RABGEF1: variants seen among roughly 807,000 people sequenced by gnomAD.
RABGEF1 encodes the protein rab5 GDP/GTP exchange factor.
A neutral mutation model predicts 57.3 loss-of-function variants in RABGEF1; 26 were observed. The observed-to-expected ratio is 0.45, with a 90% CI of 0.33 to 0.63. The LOEUF (loss-of-function observed/expected upper bound fraction) is 0.63. Ranked by LOEUF, RABGEF1 falls within the 20% of genes least tolerant of loss-of-function variation. The pLI is 0.02. For missense variants in RABGEF1, 464 were observed against 607.6 expected (o/e 0.76, Z 2.48); for synonymous variants, 185 against 210.7 (o/e 0.88, Z 1.06).
chr7:66,669,796 C>A, the RABGEF1 span: 6 of 152,506 alleles, frequency 3.9e-5, no homozygotes, highest in East Asian at 1.2e-3. Flanking sequence ...CATCATCTAC[C>A]TGGTGGCTCC....
the RABGEF1 span, among the ~76,000 whole-genome samples, chr7:66,658,625 A>G: frequency 6.6e-6 from 1 of 152,228 alleles, no homozygotes. Context: ...CAACACAGAA[A>G]TACCCTTGAC....
intron 2 of RABGEF1, among the ~76,000 whole-genome samples, chr7:66,772,907 G>A (rs1381638455): frequency 6.7e-6 from 1 of 148,576 alleles, no homozygotes; most frequent in Non-Finnish European, 1.5e-5. Flanking sequence ...GTGAGACTCT[G>A]TCTCAAAAAA....
chr7:66,788,201 C>G (rs1450844158), intron 4 of RABGEF1, among the ~76,000 whole-genome samples: 1 of 152,176 alleles, frequency 6.6e-6, no homozygotes, highest in East Asian at 1.9e-4. Context: ...AATCCCAGCA[C>G]TTTGGGAGGC....
intron 1 of RABGEF1, among the ~76,000 whole-genome samples, chr7:66,704,067 G>C (rs1191552061): frequency 1.3e-5 from 2 of 152,126 alleles, no homozygotes. Context: ...ACATAGAATG[G>C]CTTTCTTAAT....
At chr7:66,723,756 T>C (rs1213793265) in intron 2 of RABGEF1, among the ~76,000 whole-genome samples, 1 of 147,886 alleles carries the variant, frequency 6.8e-6, no homozygotes, top group East Asian at 2.1e-4. Context: ...ACTTTTGTAT[T>C]TTTAGTAGTG....
At chr7:66,690,334 C>G (rs962131705) in intron 1 of RABGEF1, among the ~76,000 whole-genome samples, 12 of 150,804 alleles carry the variant, frequency 8.0e-5, no homozygotes, top group Admixed American at 7.3e-4. Flanking sequence ...CTCCTGACCT[C>G]GTGATCCACC....
intron 1 of RABGEF1, among the ~76,000 whole-genome samples, chr7:66,685,581 A>G (rs761933492): frequency 2.5e-4 from 38 of 152,212 alleles, no homozygotes; most frequent in Non-Finnish European, 4.9e-4. Flanking sequence ...TAATTTGTAA[A>G]CAGGAATTCT....
intron 1 of RABGEF1, among the ~76,000 whole-genome samples, chr7:66,749,847 G>T (rs1291115642): frequency 6.6e-6 from 1 of 151,952 alleles, no homozygotes; most frequent in African/African-American, 2.4e-5. Flanking sequence ...GATGGTGGGC[G>T]CCTGTAGTCC....
Position 66,809,387 on chromosome 7 carries a change from T to TTA in RABGEF1, c.*103_*104insTA, listed in dbSNP as rs1789166020. 2 of 1,011,674 alleles carry TTA rather than the reference T, an allele frequency of 2.0e-6. No homozygotes were observed. Among genetic ancestry groups the TTA allele is most frequent in the East Asian group, 2.8e-5 (1 of 35,570 alleles). 62.7% of individuals were successfully genotyped at this position (1,011,674 alleles called of 1,614,324 possible). ...AATGTAACTAAATTGCTTATAAATG[T>TTA]CAGCATTTTTTAAAGGTACAGTATA... On this transcript the variant is annotated 3_prime_UTR_variant, in exon 9 of 9. Transcript: ENST00000284957.
intron 1 of RABGEF1, among the ~76,000 whole-genome samples, chr7:66,686,599 CTGT>C (rs769911029): frequency 6.6e-6 from 1 of 152,148 alleles, no homozygotes; most frequent in African/African-American, 2.4e-5. Context: ...ATAATCTAGA[CTGT>C]TGTTATAATA....
intron 1 of RABGEF1, among the ~76,000 whole-genome samples, chr7:66,744,120 C>T (rs1799641994): frequency 6.6e-6 from 1 of 151,280 alleles, no homozygotes; most frequent in Non-Finnish European, 1.5e-5. Flanking sequence ...ACTGCAACCT[C>T]TGCCTCCTGG....
intron 3 of RABGEF1, among the ~76,000 whole-genome samples, chr7:66,780,180 G>A (rs1809554528): frequency 6.6e-6 from 1 of 152,200 alleles, no homozygotes; most frequent in South Asian, 2.1e-4. Context: ...AAAGTCAGAG[G>A]AGTTGGTGTT....
intron 4 of RABGEF1, 40 bp downstream of exon 4, chr7:66,783,881 T>C (rs775633160): frequency 1.3e-6 from 2 of 1,579,396 alleles, no homozygotes; most frequent in African/African-American, 2.7e-5. Flanking sequence ...AGAGTTTTGG[T>C]TTGAGGAAAG....
chr7:66,731,475 G>T (rs1029416101), intron 2 of RABGEF1, among the ~76,000 whole-genome samples: 2 of 152,114 alleles, frequency 1.3e-5, no homozygotes, highest in African/African-American at 2.4e-5. Context: ...TCAGCAGTTT[G>T]GGAGGCCACC....
intron 1 of RABGEF1, among the ~76,000 whole-genome samples, chr7:66,752,365 G>A (rs904100147): frequency 6.6e-6 from 1 of 151,728 alleles, no homozygotes; most frequent in Admixed American, 6.6e-5. Flanking sequence ...TATGGTGGCG[G>A]GCACCTGTAA....
rs201990633 is a variant in RABGEF1, at chr7:66,797,528, C to T, written c.728+22C>T. ...TCAGGTAGTTGCTTATTTTGTTTTGCTTTGTAGTTACTACCTTCTAATGGA... is the reference window on the plus strand; with the variant it reads ...TCAGGTAGTTGCTTATTTTGTTTTGTTTTGTAGTTACTACCTTCTAATGGA... On this transcript the variant is annotated intron_variant, in intron 6 of 8. Transcript: ENST00000284957. 2.9e-3 allele frequency: 4,591 copies of T among 1,602,058 alleles called. 25 individuals are homozygous for T. The highest frequency in any genetic ancestry group is 0.01 in the South Asian group (918 of 88,710).
At chr7:66,729,449 A>G (rs74438172) in intron 2 of RABGEF1, among the ~76,000 whole-genome samples, 5 of 3,656 alleles carry the variant, frequency 1.4e-3, no homozygotes, top group East Asian at 8.9e-3. Context: ...CTCCTCTCCA[A>G]CCTCACTTCT....
chr7:66,696,820 C>G (rs760581276), intron 1 of RABGEF1, among the ~76,000 whole-genome samples: 16 of 152,252 alleles, frequency 1.1e-4, no homozygotes, highest in Non-Finnish European at 2.1e-4. Context: ...ACATCTGGCC[C>G]CCCATCTGGT....
At chr7:66,798,212 G>T (rs747024556) in intron 6 of RABGEF1, among the ~76,000 whole-genome samples, 7 of 152,196 alleles carry the variant, frequency 4.6e-5, no homozygotes, top group Non-Finnish European at 7.3e-5. Flanking sequence ...ACTGGCATTG[G>T]ATTGATGACA....
Sources: allele counts gnomAD v4.1 joint callset (sites outside exome capture counted in the v4.1 genomes callset), GRCh38; gene constraint gnomAD v4.1.1; transcripts MANE v1.5; gene names NCBI Gene and HGNC (gene_info 2026-07-23, HGNC 2026-07-21).